The following HCN1 variants were observed in gnomAD, a reference collection of about 807,000 sequenced individuals.
HCN1 encodes hyperpolarization activated cyclic nucleotide gated potassium channel 1.
A neutral mutation model predicts 78.9 loss-of-function variants in HCN1; 13 were observed. The ratio of observed to expected loss-of-function variants is 0.16; its 90% CI spans 0.11 to 0.26. The LOEUF is 0.26. Among genes scored for constraint, HCN1 ranks in the 10% least tolerant of loss-of-function variants. HCN1 has a pLI of 1.00. For synonymous variants in HCN1, 552 were observed against 455.5 expected, an observed-to-expected ratio of 1.21 and a Z score of -2.70; for missense variants, 810 against 1,154.3, an observed-to-expected ratio of 0.70 and a Z score of 4.32.
intron 5 of HCN1, among the ~76,000 whole-genome samples, chr5:45,340,107 G>T (rs1008715699): frequency 1.3e-5 from 2 of 152,014 alleles, no homozygotes; most frequent in African/African-American, 4.8e-5. Flanking sequence ...TTTTAGTAAA[G>T]ACTGGGTTTC....
intron 2 of HCN1, among the ~76,000 whole-genome samples, chr5:45,538,592 A>G (rs1157093708): frequency 6.6e-6 from 1 of 152,192 alleles, no homozygotes; most frequent in Non-Finnish European, 1.5e-5. Flanking sequence ...AATGCCTGAT[A>G]AAAAGGCTTG....
intron 2 of HCN1, among the ~76,000 whole-genome samples, chr5:45,609,246 A>G (rs1744786102): frequency 1.3e-5 from 2 of 152,122 alleles, no homozygotes; most frequent in South Asian, 4.1e-4. Flanking sequence ...AAAATCTTAG[A>G]AATGTACACA....
intron 1 of HCN1, among the ~76,000 whole-genome samples, chr5:45,665,411 C>T (rs1436727898): frequency 6.6e-6 from 1 of 151,696 alleles, no homozygotes; most frequent in East Asian, 1.9e-4. Context: ...AACTAACCTG[C>T]ACATTGTGCA....
intron 2 of HCN1, among the ~76,000 whole-genome samples, chr5:45,480,933 AAATTAT>A (rs1741638032): frequency 2.6e-5 from 4 of 152,326 alleles, no homozygotes; most frequent in Admixed American, 2.6e-4. Flanking sequence ...TGAATTTTGA[AAATTAT>A]AATTCTACAC....
chr5:45,548,582 G>C (rs888234394), intron 2 of HCN1, among the ~76,000 whole-genome samples: 21 of 152,116 alleles, frequency 1.4e-4, no homozygotes, highest in African/African-American at 4.8e-4. Flanking sequence ...TTGAAAACTG[G>C]CACAAGACAG....
At chr5:45,599,233 A>G (rs1012000164) in intron 2 of HCN1, among the ~76,000 whole-genome samples, 6 of 152,202 alleles carry the variant, frequency 3.9e-5, no homozygotes, top group Non-Finnish European at 7.3e-5. Context: ...GCAGCCATAA[A>G]AAAGGATGAG....
chr5:45,584,546 T>C (rs1744161012), intron 2 of HCN1, among the ~76,000 whole-genome samples: 1 of 152,250 alleles, frequency 6.6e-6, no homozygotes, highest in East Asian at 1.9e-4. Context: ...GTTAATATTG[T>C]TATGTGTGAA....
intron 2 of HCN1, among the ~76,000 whole-genome samples, chr5:45,529,759 A>T (rs1742802546): frequency 6.6e-6 from 1 of 152,132 alleles, no homozygotes; most frequent in Non-Finnish European, 1.5e-5. Context: ...ATCACTTTTG[A>T]TGTTTCATTA....
In HCN1 at chr5:45,520,989, G is replaced by GT. The variant is rs1398388236; in HGVS notation, c.850-58983dup. Among the ~76,000 whole-genome samples, 158 of 144,850 alleles carry GT rather than the reference G, an allele frequency of 1.1e-3. 1 individual carries two copies. The highest frequency in any genetic ancestry group is 1.3e-3 in the African/African-American group (51 of 39,704). ...TGCAAACCAGCTACTTTCCTAAGAG[G>GT]TTTTTTTTTTTGTTTTTTTGGCTTT... On this transcript the variant is annotated intron_variant, in intron 2 of 7. Transcript: ENST00000303230.
At position 45,513,889 on chromosome 5, in the gene HCN1, G is replaced by GC. The variant is rs541073080; in HGVS notation, c.850-51883dup. On this transcript the variant is annotated intron_variant, in intron 2 of 7. Coordinates refer to ENST00000303230, the MANE Select transcript of HCN1 (RefSeq NM_021072.4). ...GTAGATACATGAAATTTAGAAATTT[G>GC]CAAGAATTTCCATAATGATAAACAT... 2.0e-5 allele frequency among the ~76,000 whole-genome samples: 3 copies of GC among 152,204 alleles called. No individual in the cohort carries two copies. The East Asian group carries it at 5.8e-4, about 30-fold the overall frequency.
chr5:45,501,692 G>A (rs577331285), intron 2 of HCN1, among the ~76,000 whole-genome samples: 4 of 152,100 alleles, frequency 2.6e-5, no homozygotes, highest in East Asian at 1.9e-4. Context: ...CGCACGCCTC[G>A]GCCTCCCAAA....
At chr5:45,346,809 G>A (rs954552901) in intron 5 of HCN1, among the ~76,000 whole-genome samples, 9 of 152,212 alleles carry the variant, frequency 5.9e-5, no homozygotes, top group African/African-American at 1.2e-4. Context: ...GCGAGGCTGC[G>A]GGAGGGGCAC....
At chr5:45,659,208 C>A (rs927434018) in intron 1 of HCN1, among the ~76,000 whole-genome samples, 61 of 147,700 alleles carry the variant, frequency 4.1e-4, no homozygotes, top group Admixed American at 1.0e-3. Flanking sequence ...ACACCTCACA[C>A]GGCAGGGTAT....
At chr5:45,507,455 T>C (rs1403528509) in intron 2 of HCN1, among the ~76,000 whole-genome samples, 1 of 152,138 alleles carries the variant, frequency 6.6e-6, no homozygotes, top group Non-Finnish European at 1.5e-5. Context: ...TATGACAGGA[T>C]GGGAAAAGAA....
At chr5:45,500,639 A>G (rs1579934160) in intron 2 of HCN1, among the ~76,000 whole-genome samples, 1 of 152,210 alleles carries the variant, frequency 6.6e-6, no homozygotes, top group Admixed American at 6.5e-5. Flanking sequence ...TATTTCTGCA[A>G]TAATTTATCT....
In HCN1 at chr5:45,262,854, A is replaced by T. The variant is rs753521094; in HGVS notation, c.1784-44T>A. On this transcript the variant is annotated intron_variant, in intron 7 of 7. Transcript: ENST00000303230. ...TAGGCACTTAGAAAGCCTACCAATG[A>T]CTGATGACAACGCCAAGTGAGAGTG... 1.1e-4 allele frequency: 179 copies of T among 1,604,612 alleles called. No individual in the cohort carries two copies. The Middle Eastern group carries it at 1.3e-3, about 11-fold the overall frequency.
chr5:45,323,609 C>T (rs1746172336), intron 5 of HCN1, among the ~76,000 whole-genome samples: 1 of 151,858 alleles, frequency 6.6e-6, no homozygotes, highest in South Asian at 2.1e-4. Flanking sequence ...TACATATGCA[C>T]AACGTGCAGG....
chr5:45,281,745 G>A lies in HCN1; in HGVS notation c.1619-14492C>T, dbSNP rs896340469. Among the ~76,000 whole-genome samples the A allele has an allele frequency of 9.2e-5, 14 of 151,486 alleles. No individual in the cohort carries two copies. In the South Asian group the frequency reaches 1.5e-3, roughly 16 times the overall value. On this transcript the variant is annotated intron_variant, in intron 6 of 7. Transcript: ENST00000303230. ...TGGGACTACAGGTGCCCGCCACCAC[G>A]CCCGGGGGCTAATTTTTTTTTGTAT...
chr5:45,496,525 G>T (rs1176344907), intron 2 of HCN1, among the ~76,000 whole-genome samples: 3 of 152,152 alleles, frequency 2.0e-5, no homozygotes, highest in Non-Finnish European at 2.9e-5. Flanking sequence ...GTAAGCTATT[G>T]TATTTCTGTG....
Sources: allele counts gnomAD v4.1 joint callset (sites outside exome capture counted in the v4.1 genomes callset), GRCh38; gene constraint gnomAD v4.1.1; transcripts MANE v1.5; gene names NCBI Gene and HGNC (gene_info 2026-07-23, HGNC 2026-07-21).